Variants in SEL1L3 observed in about 807,000 individuals in gnomAD.
SEL1L3 encodes SEL1L family member 3, also known as protein sel-1 homolog 3.
In SEL1L3, 76 loss-of-function variants were observed where a neutral mutation model predicts 142.8. The ratio of observed to expected loss-of-function variants is 0.53; its 90% CI spans 0.44 to 0.64. The LOEUF is 0.64. SEL1L3 is among the 30% of genes least tolerant of loss of function. The pLI is 0.00. For missense variants in SEL1L3, 1,262 were observed against 1,381.7 expected (o/e 0.91, Z 1.37); for synonymous variants, 504 against 519.6 (o/e 0.97, Z 0.41).
At chr4:25,746,057 C>A (rs753466102), downstream of SEL1L3, among the ~76,000 whole-genome samples, 1 of 152,134 alleles carries the variant, frequency 6.6e-6, no homozygotes, top group East Asian at 1.9e-4. Flanking sequence ...AAATGTAATC[C>A]CCCATGTTGG....
chr4:25,836,015 C>G (rs1275815845), intron 2 of SEL1L3, among the ~76,000 whole-genome samples: 1 of 152,174 alleles, frequency 6.6e-6, no homozygotes, highest in Non-Finnish European at 1.5e-5. Flanking sequence ...CAAACTCAGG[C>G]TCTTTGGTTT....
intron 17 of SEL1L3, chr4:25,773,275 A>C (rs1192427543): frequency 2.6e-5 from 4 of 152,206 alleles, no homozygotes; most frequent in African/African-American, 9.7e-5. Flanking sequence ...ATCAACAAGA[A>C]GCTAGGATGA....
chr4:25,840,929 C>G (rs1480331325), intron 2 of SEL1L3, among the ~76,000 whole-genome samples: 4 of 152,182 alleles, frequency 2.6e-5, no homozygotes, highest in African/African-American at 9.7e-5. Flanking sequence ...AAAGGCTTAT[C>G]ACCATTTCCC....
At chr4:25,804,993 T>C (rs900556139) in intron 9 of SEL1L3, among the ~76,000 whole-genome samples, 1 of 152,222 alleles carries the variant, frequency 6.6e-6, no homozygotes, top group Non-Finnish European at 1.5e-5. Flanking sequence ...GGAAATGATG[T>C]GCTGTATGTA....
At chr4:25,811,764 T>TGGTG (rs1203957652) in intron 9 of SEL1L3, among the ~76,000 whole-genome samples, 1 of 147,812 alleles carries the variant, frequency 6.8e-6, no homozygotes, top group African/African-American at 2.6e-5. Context: ...TTTTTTTTTT[T>TGGTG]TTGTTGTTGT....
chr4:25,773,529 G>A (rs529420778), intron 17 of SEL1L3: 25 of 152,064 alleles, frequency 1.6e-4, no homozygotes, highest in Admixed American at 9.8e-4. Flanking sequence ...TCAAATGCTC[G>A]GCTCCTTTTG....
At chr4:25,795,360 C>A (rs1383552056) in intron 11 of SEL1L3, among the ~76,000 whole-genome samples, 1 of 152,110 alleles carries the variant, frequency 6.6e-6, no homozygotes, top group African/African-American at 2.4e-5. Flanking sequence ...AGAACGTTAA[C>A]CCTATTGGTA....
chr4:25,787,989 T>C (rs1326414747), intron 13 of SEL1L3, among the ~76,000 whole-genome samples: 1 of 152,226 alleles, frequency 6.6e-6, no homozygotes, highest in African/African-American at 2.4e-5. Flanking sequence ...GCCGTGGTTC[T>C]TGCGAAAGCA....
At chr4:25,776,809 A>T (rs1719663480) in intron 16 of SEL1L3, 1 of 151,628 alleles carries the variant, frequency 6.6e-6, no homozygotes, top group Admixed American at 6.6e-5. Flanking sequence ...TGCATAACTA[A>T]AAAGCTAACA....
chr4:25,862,159 T>C (rs1368210433), intron 1 of SEL1L3: 1 of 152,238 alleles, frequency 6.6e-6, no homozygotes, highest in Admixed American at 6.6e-5. Context: ...GCGAGGTGCG[T>C]TGGCAGAAAA....
At chr4:25,753,231 A>C (rs570856458) in intron 23 of SEL1L3, among the ~76,000 whole-genome samples, 27 of 152,374 alleles carry the variant, frequency 1.8e-4, no homozygotes, top group African/African-American at 6.3e-4. Flanking sequence ...AAATGAAGGT[A>C]GTTGGAGCTG....
chr4:25,804,589 A>C lies in SEL1L3; in HGVS notation c.1728T>G (p.Leu576=), dbSNP rs1198833288. 1 of 1,613,814 alleles carries C rather than the reference A, an allele frequency of 6.2e-7. No individual in the cohort carries two copies. Among genetic ancestry groups the C allele is most frequent in the Non-Finnish European group, 8.5e-7 (1 of 1,179,792 alleles). ...TTAATCCAGTCTCATAAAAGACTGCAAGGTAGTAGGATGCTTTATGGTATC... is the reference window on the plus strand; with the variant it reads ...TTAATCCAGTCTCATAAAAGACTGCCAGGTAGTAGGATGCTTTATGGTATC... The part of the protein sequence containing the change: ...CCGYHKASYY[L]AVFYETGLNV... The change falls in exon 10 of 24, where the codon CTT becomes CTG. Residue 576 remains leucine (L), a synonymous_variant. Transcript: ENST00000399878.
At chr4:25,831,255 C>T (rs1715417553) in intron 5 of SEL1L3, among the ~76,000 whole-genome samples, 1 of 152,000 alleles carries the variant, frequency 6.6e-6, no homozygotes, top group East Asian at 1.9e-4. Flanking sequence ...CATTCTACTC[C>T]TAAATACGTA....
intron 11 of SEL1L3, among the ~76,000 whole-genome samples, chr4:25,798,425 C>G (rs1712937575): frequency 6.6e-6 from 1 of 151,968 alleles, no homozygotes; most frequent in African/African-American, 2.4e-5. Flanking sequence ...ATGAGACCCT[C>G]CATGGTGGAT....
At chr4:25,739,720 CAAAAAA>C in the SEL1L3 span, among the ~76,000 whole-genome samples, 1,106 of 136,946 alleles carry the variant, frequency 8.1e-3, 21 homozygotes, top group African/African-American at 0.028. Flanking sequence ...AAACAAAAAA[CAAAAAA>C]AAAACCCATG....
At chr4:25,767,970 T>C (rs927771188) in intron 17 of SEL1L3, 140 bp from the exon 18 acceptor site, 38 of 616,264 alleles carry the variant, frequency 6.2e-5, no homozygotes, top group Non-Finnish European at 1.0e-4. Context: ...TTTTTAAAAA[T>C]AAATATTGTT....
At chr4:25,858,154 G>A (rs1020539054) in intron 1 of SEL1L3, among the ~76,000 whole-genome samples, 1 of 152,214 alleles carries the variant, frequency 6.6e-6, no homozygotes, top group Non-Finnish European at 1.5e-5. Context: ...CGAATTGCCT[G>A]GGTTATTCTC....
chr4:25,716,670 A>G, the SEL1L3 span, among the ~76,000 whole-genome samples: 4 of 152,242 alleles, frequency 2.6e-5, no homozygotes, highest in Non-Finnish European at 5.9e-5. Context: ...ATATGTATCA[A>G]TGAGAATAAA....
chr4:25,840,480 A>T (rs1019059132), intron 2 of SEL1L3, among the ~76,000 whole-genome samples: 3 of 152,260 alleles, frequency 2.0e-5, no homozygotes, highest in Non-Finnish European at 4.4e-5. Flanking sequence ...TGTTATAAAA[A>T]ATCATACTTC....
Sources: gnomAD v4.1 joint callset for allele counts (sites outside exome capture counted in the v4.1 genomes callset) on GRCh38, gnomAD v4.1.1 for gene constraint, MANE v1.5 for transcripts, NCBI Gene and HGNC (gene_info 2026-07-23, HGNC 2026-07-21) for gene names.